Variants in MTUS2 observed in about 807,000 individuals in gnomAD.
MTUS2 encodes microtubule associated scaffold protein 2.
Under a neutral mutation model 114.1 loss-of-function variants are expected in MTUS2, and 40 were observed. The observed-to-expected ratio is 0.35, with a 90% CI of 0.27 to 0.46. The LOEUF (loss-of-function observed/expected upper bound fraction) is 0.46. MTUS2 is among the 20% of genes least tolerant of loss of function. MTUS2 has a pLI of 1.00. For missense variants in MTUS2, 1,679 were observed against 1,705.4 expected, an observed-to-expected ratio of 0.98 and a Z score of 0.27; for synonymous variants, 688 against 672.0, an observed-to-expected ratio of 1.02 and a Z score of -0.37.
At chr13:29,328,078 T>A (rs1006590505) in intron 7 of MTUS2, among the ~76,000 whole-genome samples, 1 of 152,188 alleles carries the variant, frequency 6.6e-6, no homozygotes, top group Admixed American at 6.5e-5. Context: ...TTTTTTAAAT[T>A]GGGTTGTTTT....
At chr13:29,449,739 C>T (rs563353721) in intron 9 of MTUS2, among the ~76,000 whole-genome samples, 2 of 150,536 alleles carry the variant, frequency 1.3e-5, no homozygotes, top group South Asian at 2.2e-4. Flanking sequence ...TTACTCCTAA[C>T]TCCATATGAC....
rs1253664046 is a variant in MTUS2 at position 28,873,969 on chromosome 13, AT to A, written c.-243+34123del. ...TAATCAACACTTGATTAATATTTTCATTTTAAGAATGATTTTCTTAAATATT... is the reference window on the plus strand; with the variant it reads ...TAATCAACACTTGATTAATATTTTCATTTAAGAATGATTTTCTTAAATATT... On this transcript the variant is annotated intron_variant, in intron 2 of 15. Coordinates refer to ENST00000612955, the MANE Select transcript of MTUS2 (RefSeq NM_001033602.4). Among the ~76,000 whole-genome samples, 4 of 152,302 alleles carry A rather than the reference AT, an allele frequency of 2.6e-5. No homozygotes were observed. In the East Asian group the frequency reaches 7.7e-4, roughly 29 times the overall value.
At chr13:29,438,048 G>A (rs4601890) in intron 8 of MTUS2, among the ~76,000 whole-genome samples, 111,971 of 152,036 alleles carry the variant, frequency 0.74, 41,486 homozygotes, top group African/African-American at 0.77. Context: ...TTATCCAGTT[G>A]CAAATGAAAT....
intron 5 of MTUS2, among the ~76,000 whole-genome samples, chr13:29,215,463 A>AT (rs549438453): frequency 9.8e-6 from 1 of 102,280 alleles, no homozygotes; most frequent in African/African-American, 3.9e-5. Context: ...AGTTTTCAGC[A>AT]TTTTTTTGCT....
intron 5 of MTUS2, among the ~76,000 whole-genome samples, chr13:29,112,804 G>A (rs1890932439): frequency 6.6e-6 from 1 of 152,134 alleles, no homozygotes; most frequent in South Asian, 2.1e-4. Flanking sequence ...GAGAAATTTT[G>A]GACAGAGAAG....
intron 4 of MTUS2, among the ~76,000 whole-genome samples, chr13:29,099,615 C>G (rs1890325435): frequency 6.6e-6 from 1 of 152,016 alleles, no homozygotes; most frequent in African/African-American, 2.4e-5. Context: ...CTCGTTTACT[C>G]TGAAACCTGG....
chr13:28,879,139 CTGTT>C (rs1179087441), intron 2 of MTUS2, among the ~76,000 whole-genome samples: 5 of 152,088 alleles, frequency 3.3e-5, no homozygotes, highest in East Asian at 3.9e-4. Context: ...TGAGAAGTGT[CTGTT>C]TGTGTCCTTT....
intron 5 of MTUS2, among the ~76,000 whole-genome samples, chr13:29,232,138 T>G (rs1273670047): frequency 1.3e-5 from 2 of 152,186 alleles, no homozygotes; most frequent in Admixed American, 6.5e-5. Context: ...AGGTATCATT[T>G]AGTATTTCCA....
intron 2 of MTUS2, among the ~76,000 whole-genome samples, chr13:28,898,524 T>C (rs941603259): frequency 1.3e-5 from 2 of 152,104 alleles, no homozygotes; most frequent in African/African-American, 4.8e-5. Flanking sequence ...AAAGCAAGAG[T>C]ACATGATGAA....
intron 2 of MTUS2, among the ~76,000 whole-genome samples, chr13:29,014,952 G>A (rs952498585): frequency 2.6e-5 from 4 of 152,236 alleles, no homozygotes; most frequent in Non-Finnish European, 4.4e-5. Flanking sequence ...TTCCTCCATA[G>A]AAAGGAACAA....
intron 2 of MTUS2, among the ~76,000 whole-genome samples, chr13:28,932,599 C>T (rs1440128837): frequency 1.3e-5 from 2 of 152,084 alleles, no homozygotes; most frequent in Non-Finnish European, 2.9e-5. Flanking sequence ...CAGGGCTCCA[C>T]GGGGTGAGAA....
At chr13:29,431,609 C>G (rs1488163432) in intron 8 of MTUS2, among the ~76,000 whole-genome samples, 2 of 152,128 alleles carry the variant, frequency 1.3e-5, no homozygotes, top group Non-Finnish European at 1.5e-5. Flanking sequence ...GGCAAGGTTT[C>G]TTGGCAAAAG....
chr13:29,314,220 G>A (rs1899893551), intron 6 of MTUS2, among the ~76,000 whole-genome samples: 1 of 152,140 alleles, frequency 6.6e-6, no homozygotes, highest in Non-Finnish European at 1.5e-5. Flanking sequence ...GAGGGCTCCA[G>A]GAAGAATGGC....
intron 2 of MTUS2, among the ~76,000 whole-genome samples, chr13:28,874,464 C>T (rs1465795465): frequency 2.6e-5 from 4 of 152,066 alleles, no homozygotes; most frequent in Admixed American, 6.6e-5. Flanking sequence ...CTAGGTGGCT[C>T]GCTTTTAGGA....
At chr13:29,158,358 C>CCCCCCCCCTCCTTT in intron 5 of MTUS2, among the ~76,000 whole-genome samples, 1 of 32,048 alleles carries the variant, frequency 3.1e-5, no homozygotes, top group Non-Finnish European at 5.1e-5. Flanking sequence ...GTCCACCCCG[C>CCCCCCCCCTCCTTT]TTTTTTTTTT....
At position 28,967,032 on chromosome 13, in the gene MTUS2, A is replaced by G. The variant is rs573900191; in HGVS notation, c.-242-57425A>G. 3.8e-4 allele frequency among the ~76,000 whole-genome samples: 58 copies of G among 152,270 alleles called. No homozygotes were observed. In the South Asian group the frequency reaches 0.011, roughly 29 times the overall value. ...TGGCAGTAATAGTACTGCGATAGCA[A>G]TTTCATACACTGGACATCATTAACT... On this transcript the variant is annotated intron_variant, in intron 2 of 15. Transcript: ENST00000612955.
intron 2 of MTUS2, among the ~76,000 whole-genome samples, chr13:28,930,320 C>T (rs1439394162): frequency 6.6e-6 from 1 of 152,052 alleles, no homozygotes; most frequent in Non-Finnish European, 1.5e-5. Flanking sequence ...CCATTTTTTC[C>T]AAAGGTAAAC....
intron 5 of MTUS2, among the ~76,000 whole-genome samples, chr13:29,189,844 C>A (rs1417592569): frequency 1.3e-5 from 2 of 152,082 alleles, no homozygotes; most frequent in Admixed American, 1.3e-4. Flanking sequence ...CCTCTACCCC[C>A]AAATGTATAC....
At chr13:29,357,794 T>G (rs1465392214) in intron 7 of MTUS2, among the ~76,000 whole-genome samples, 1 of 152,262 alleles carries the variant, frequency 6.6e-6, no homozygotes, top group Non-Finnish European at 1.5e-5. Context: ...ATTTACGATA[T>G]GCCATATGTG....
Sources: allele counts gnomAD v4.1 joint callset (sites outside exome capture counted in the v4.1 genomes callset), GRCh38; gene constraint gnomAD v4.1.1; transcripts MANE v1.5; gene names NCBI Gene and HGNC (gene_info 2026-07-23, HGNC 2026-07-21).